The following HCRTR2 variants were observed in gnomAD, a reference collection of about 807,000 sequenced individuals.
The protein encoded by HCRTR2 is hypocretin receptor 2.
Under a neutral mutation model 49.0 loss-of-function variants are expected in HCRTR2, and 22 were observed. The ratio of observed to expected loss-of-function variants is 0.45; its 90% confidence interval spans 0.32 to 0.64. The LOEUF (loss-of-function observed/expected upper bound fraction) is 0.64, where lower values mean the gene tolerates loss of function less well. HCRTR2 is among the 30% of genes least tolerant of loss of function. HCRTR2 has a pLI of 0.04. For synonymous variants in HCRTR2, 236 were observed against 205.3 expected, an observed-to-expected ratio of 1.15 and a Z score of -1.28; for missense variants, 491 against 559.4, an observed-to-expected ratio of 0.88 and a Z score of 1.23.
At chr6:55,252,102 T>C (rs1425099191) in intron 2 of HCRTR2, among the ~76,000 whole-genome samples, 2 of 152,168 alleles carry the variant, frequency 1.3e-5, no homozygotes, top group African/African-American at 4.8e-5. Flanking sequence ...TATTAATGTG[T>C]TAATTGCACA....
chr6:55,177,183 A>G (rs1474355012), intron 1 of HCRTR2, among the ~76,000 whole-genome samples: 1 of 152,214 alleles, frequency 6.6e-6, no homozygotes, highest in African/African-American at 2.4e-5. Context: ...TGAAATGGCC[A>G]ATTCCATTCA....
At chr6:55,267,515 T>G (rs573206261) in intron 4 of HCRTR2, among the ~76,000 whole-genome samples, 15 of 152,088 alleles carry the variant, frequency 9.9e-5, no homozygotes, top group African/African-American at 3.6e-4. Flanking sequence ...CTTTCATTTA[T>G]CTGTCAGCAT....
upstream of HCRTR2, among the ~76,000 whole-genome samples, chr6:55,172,255 G>C (rs1283595978): frequency 1.3e-5 from 2 of 152,138 alleles, no homozygotes; most frequent in Non-Finnish European, 2.9e-5. Flanking sequence ...TCTCTTAATA[G>C]AGCCTTTTTG....
intron 4 of HCRTR2, among the ~76,000 whole-genome samples, chr6:55,268,577 T>C (rs923139743): frequency 1.3e-5 from 2 of 152,052 alleles, no homozygotes; most frequent in South Asian, 2.1e-4. Context: ...ATACTAAAAT[T>C]AGACAAAATA....
chr6:55,185,819 TTTC>T (rs1479024945), intron 1 of HCRTR2, among the ~76,000 whole-genome samples: 19 of 152,206 alleles, frequency 1.2e-4, no homozygotes, highest in African/African-American at 4.6e-4. Flanking sequence ...TGTAGCATGA[TTTC>T]TTTTCCTTGA....
At chr6:55,112,116 A>T (rs1166310700) in intron 1 of HCRTR2, among the ~76,000 whole-genome samples, 1 of 152,004 alleles carries the variant, frequency 6.6e-6, no homozygotes, top group Non-Finnish European at 1.5e-5. Context: ...AAAACCCTCA[A>T]CAAAATCAGC....
rs566999991 is a variant in HCRTR2, at chr6:55,215,939, G to T, written c.224-32700G>T. ...TTTATTTCCTGCAGTTCTGGAGGCT[G>T]TGAAGTTCAAGACTGAGTTGCTGCC... On this transcript the variant is annotated intron_variant, in intron 1 of 6. Transcript: ENST00000370862. 8.5e-5 allele frequency among the ~76,000 whole-genome samples: 13 copies of T among 152,302 alleles called. No homozygotes were observed. The East Asian group carries it at 2.3e-3, about 27-fold the overall frequency.
chr6:55,135,728 T>C (rs1764425378), intron 1 of HCRTR2, among the ~76,000 whole-genome samples: 1 of 152,166 alleles, frequency 6.6e-6, no homozygotes, highest in African/African-American at 2.4e-5. Flanking sequence ...TTACCCATGT[T>C]ATAGATGAGA....
At chr6:55,176,638 G>A (rs1381942312) in intron 1 of HCRTR2, among the ~76,000 whole-genome samples, 1 of 152,124 alleles carries the variant, frequency 6.6e-6, no homozygotes, top group Non-Finnish European at 1.5e-5. Flanking sequence ...ACAAGACTTA[G>A]AGAAATAAAA....
intron 1 of HCRTR2, among the ~76,000 whole-genome samples, chr6:55,178,588 G>A (rs1190669930): frequency 2.0e-5 from 3 of 152,092 alleles, no homozygotes; most frequent in Non-Finnish European, 4.4e-5. Context: ...TGAACTTTTT[G>A]TGATGTGGTG....
At chr6:55,214,315 G>A (rs1347785876) in intron 1 of HCRTR2, among the ~76,000 whole-genome samples, 1 of 152,036 alleles carries the variant, frequency 6.6e-6, no homozygotes, top group African/African-American at 2.4e-5. Flanking sequence ...GACTGGGTGA[G>A]GTGGTTTTTG....
intron 3 of HCRTR2, among the ~76,000 whole-genome samples, chr6:55,260,011 T>C (rs1766724873): frequency 6.6e-6 from 1 of 152,188 alleles, no homozygotes; most frequent in Admixed American, 6.5e-5. Flanking sequence ...TTGCTTGATC[T>C]TTTTTCCATA....
At chr6:55,257,461 C>A (rs562744035) in intron 3 of HCRTR2, among the ~76,000 whole-genome samples, 103 of 151,970 alleles carry the variant, frequency 6.8e-4, no homozygotes, top group Non-Finnish European at 1.1e-3. Context: ...GCAGTATTTT[C>A]TCTAATATTC....
At chr6:55,283,694 A>AT (rs1767236628), downstream of HCRTR2, among the ~76,000 whole-genome samples, 2 of 151,882 alleles carry the variant, frequency 1.3e-5, no homozygotes, top group South Asian at 2.1e-4. Context: ...ATGAAAGATG[A>AT]TTTTCATCTC....
At chr6:55,121,149 G>A (rs551290475) in intron 1 of HCRTR2, among the ~76,000 whole-genome samples, 6 of 151,758 alleles carry the variant, frequency 4.0e-5, no homozygotes, top group East Asian at 3.9e-4. Context: ...CTTTTATTTC[G>A]TTGAGCGTGG....
intron 3 of HCRTR2, among the ~76,000 whole-genome samples, chr6:55,259,165 G>A (rs1766707928): frequency 6.6e-6 from 1 of 151,852 alleles, no homozygotes; most frequent in East Asian, 1.9e-4. Context: ...TCTGGACACT[G>A]GAGATTAGTA....
In HCRTR2 at chr6:55,255,120, T is replaced by G; in HGVS notation, c.403-16T>G. The stretch of plus-strand genomic sequence containing the variant: ...AGCTGGTGCTTCTCTATTACTATGA[T>G]CTTTCTTTTCTCTAGACCGTGTCGG... On this transcript the variant is annotated splice_polypyrimidine_tract_variant and intron_variant, in intron 2 of 6. Transcript: ENST00000370862. 1 of 1,613,672 alleles carries G rather than the reference T, an allele frequency of 6.2e-7. No individual in the cohort carries two copies. The highest frequency in any genetic ancestry group is 1.7e-5 in the Admixed American group (1 of 59,912).
At chr6:55,242,127 C>T (rs1415593785) in intron 1 of HCRTR2, among the ~76,000 whole-genome samples, 1 of 151,990 alleles carries the variant, frequency 6.6e-6, no homozygotes, top group Admixed American at 6.6e-5. Context: ...ACCTCGGCCT[C>T]CCAAAGTGCT....
chr6:55,257,106 A>C (rs1167601234), intron 3 of HCRTR2, among the ~76,000 whole-genome samples: 1 of 152,062 alleles, frequency 6.6e-6, no homozygotes, highest in Non-Finnish European at 1.5e-5. Flanking sequence ...ACTACATTAC[A>C]AAGCAGAAAG....
Sources: allele counts gnomAD v4.1 joint callset (sites outside exome capture counted in the v4.1 genomes callset), GRCh38; gene constraint gnomAD v4.1.1; transcripts MANE v1.5; gene names NCBI Gene and HGNC (gene_info 2026-07-23, HGNC 2026-07-21).